Variants in DYSF observed in about 807,000 individuals in gnomAD.
The protein encoded by DYSF is dystrophy-associated fer-1-like 1.
DYSF carries 212 observed loss-of-function variants against 274.9 expected under a neutral mutation model. That is an observed-to-expected ratio of 0.77 (90% CI 0.69 to 0.86). DYSF has a LOEUF of 0.86. Among genes scored for constraint, DYSF ranks in the 40% least tolerant of loss-of-function variants. The pLI is 0.00. For missense variants in DYSF, 2,666 were observed against 2,783.2 expected (o/e 0.96, Z 0.95); for synonymous variants, 1,091 against 1,078.7 (o/e 1.01, Z -0.22).
At chr2:71,494,016 C>T (rs995477101) in intron 3 of DYSF, among the ~76,000 whole-genome samples, 3 of 152,124 alleles carry the variant, frequency 2.0e-5, no homozygotes, top group African/African-American at 7.2e-5. Flanking sequence ...AATTAGTGGG[C>T]AGATGTTCTT....
rs183397732 is a variant in DYSF at position 71,497,184 on chromosome 2, G to C, written c.240-6030G>C. 1.2e-3 allele frequency among the ~76,000 whole-genome samples: 179 copies of C among 152,320 alleles called. 1 individual carries two copies. Among genetic ancestry groups the C allele is most frequent in the African/African-American group, 3.8e-3 (159 of 41,576 alleles). On this transcript the variant is annotated intron_variant, in intron 3 of 55. Coordinates refer to ENST00000410020, the MANE Select transcript of DYSF (RefSeq NM_001130987.2). ...TTATCAAGACAGGGGAATTGCAACA[G>C]AAAAAGAGTTTAATACTGAGCTGGC...
chr2:71,662,123 C>T (rs1199893111), intron 45 of DYSF, among the ~76,000 whole-genome samples: 2 of 152,246 alleles, frequency 1.3e-5, no homozygotes, highest in Non-Finnish European at 2.9e-5. Flanking sequence ...GCAAGCTGGT[C>T]TGCCTGGTGC....
chr2:71,658,833 C>T, intron 43 of DYSF, 45 bp from the exon 44 acceptor site: 6 of 1,612,900 alleles, frequency 3.7e-6, no homozygotes, highest in Non-Finnish European at 5.1e-6. Flanking sequence ...CAAACCATAT[C>T]AACAATGATG....
chr2:71,454,770 C>T (rs891118373), intron 1 of DYSF, among the ~76,000 whole-genome samples: 22 of 152,112 alleles, frequency 1.4e-4, no homozygotes, highest in Admixed American at 4.6e-4. Context: ...GAAGCCACTC[C>T]CTTATCAGAT....
intron 16 of DYSF, among the ~76,000 whole-genome samples, chr2:71,536,989 A>G (rs2089410073): frequency 6.6e-6 from 1 of 152,008 alleles, no homozygotes; most frequent in South Asian, 2.1e-4. Flanking sequence ...CAACAACAAA[A>G]AAACCCCAAA....
chr2:71,636,777 C>T (rs777515267), intron 41 of DYSF, among the ~76,000 whole-genome samples: 1 of 152,080 alleles, frequency 6.6e-6, no homozygotes, highest in Non-Finnish European at 1.5e-5. Flanking sequence ...AGGATGGGCT[C>T]AAGCACTGAG....
intron 51 of DYSF, 58 bp from the exon 52 acceptor site, chr2:71,674,139 C>G (rs1573136547): frequency 1.3e-6 from 2 of 1,526,590 alleles, no homozygotes; most frequent in Admixed American, 3.4e-5. Context: ...TGGAAGGGAA[C>G]ACTGCCTCTC....
intron 54 of DYSF, 82 bp downstream of exon 54, chr2:71,681,192 C>T: frequency 7.5e-7 from 1 of 1,339,710 alleles, no homozygotes; most frequent in Non-Finnish European, 1.1e-6. Flanking sequence ...ATTGCATGGC[C>T]ATGTAGAAGT....
intron 55 of DYSF, among the ~76,000 whole-genome samples, chr2:71,685,157 C>T (rs1344692591): frequency 1.3e-5 from 2 of 152,212 alleles, no homozygotes; most frequent in Non-Finnish European, 2.9e-5. Context: ...CACTTCCAGC[C>T]TGTGGTCCTT....
chr2:71,454,166 A>C, intron 1 of DYSF: 4 of 1,365,216 alleles, frequency 2.9e-6, no homozygotes, highest in Non-Finnish European at 4.1e-6. Flanking sequence ...CCTGGAGAGC[A>C]CCTAGAGCTG....
intron 38 of DYSF, 149 bp downstream of exon 38, chr2:71,611,775 A>T: frequency 9.1e-7 from 1 of 1,104,738 alleles, no homozygotes; most frequent in Non-Finnish European, 1.3e-6. Context: ...AGAAATGCTC[A>T]TACCCTCCTC....
At chr2:71,585,610 G>C (rs535114590) in intron 30 of DYSF, among the ~76,000 whole-genome samples, 1 of 152,246 alleles carries the variant, frequency 6.6e-6, no homozygotes, top group African/African-American at 2.4e-5. Flanking sequence ...TGACATTGGC[G>C]GATCCCCACC....
At chr2:71,650,693 A>T (rs550034091) in intron 42 of DYSF, among the ~76,000 whole-genome samples, 22 of 152,328 alleles carry the variant, frequency 1.4e-4, no homozygotes, top group African/African-American at 5.3e-4. Flanking sequence ...ATTGTAATGC[A>T]ATAAAATTAG....
intron 40 of DYSF, among the ~76,000 whole-genome samples, chr2:71,617,879 G>GGTGTGTGTGTGGTAGGGGT (rs756123529): frequency 9.7e-5 from 2 of 20,668 alleles, no homozygotes; most frequent in Non-Finnish European, 2.0e-4. Flanking sequence ...GTAGAGGTGG[G>GGTGTGTGTGTGGTAGGGGT]GTGTGTGTGG....
Position 71,660,624 on chromosome 2 carries a change from C to T in DYSF, c.4976C>T (p.Pro1659Leu), listed in dbSNP as rs1480206744. The change falls in exon 45 of 56, where the codon CCC becomes CTC. Residue 1659 changes from proline to leucine, a missense_variant. This residue lies in a region of DYSF where 1,460 missense variants were observed against 1,502.1 expected (regional missense o/e 0.97). Transcript: ENST00000410020. ...KSVSDQDNYI[P>L]CTLEPVFGKM... is the part of the protein sequence containing the mutation. Reference sequence around the variant, plus strand: ...GTGAGTGACCAGGATAACTACATCCCCTGCACGCTGGAGCCCGTATTTGGA... The same window carrying T: ...GTGAGTGACCAGGATAACTACATCCTCTGCACGCTGGAGCCCGTATTTGGA... The T allele has an allele frequency of 2.0e-5, 33 of 1,613,980 alleles. No individual in the cohort carries two copies. Among genetic ancestry groups the T allele is most frequent in the Non-Finnish European group, 2.8e-5 (33 of 1,179,952 alleles).
intron 52 of DYSF, among the ~76,000 whole-genome samples, chr2:71,675,081 A>G (rs1465824388): frequency 6.6e-6 from 1 of 152,110 alleles, no homozygotes; most frequent in East Asian, 1.9e-4. Flanking sequence ...GGCTTCATGT[A>G]TATGAAATGT....
chr2:71,610,975 A>G, intron 36 of DYSF: 3 of 501,968 alleles, frequency 6.0e-6, no homozygotes, highest in Admixed American at 3.0e-5. Context: ...AGCCTGCATT[A>G]TGGGAGGAGG....
In DYSF at chr2:71,551,510, CCT is replaced by C. The variant is rs2090942765; in HGVS notation, c.1693-96_1693-95del. The C allele has an allele frequency of 4.8e-6, 5 of 1,045,968 alleles. No homozygotes were observed. In the South Asian group the frequency reaches 6.9e-5, roughly 14 times the overall value. The allele number at this position is 1,045,968 out of a possible 1,614,324, so 64.8% of individuals were successfully genotyped here. ...GGTTGGCTGAGGGACCTCCTGGGTGCCTGAGAGATGAGCTACCTCAGGGCCAG... is the reference window on the plus strand; with the variant it reads ...GGTTGGCTGAGGGACCTCCTGGGTGCGAGAGATGAGCTACCTCAGGGCCAG... On this transcript the variant is annotated intron_variant, in intron 18 of 55. Coordinates refer to ENST00000410020, the MANE Select transcript of DYSF (RefSeq NM_001130987.2).
intron 41 of DYSF, among the ~76,000 whole-genome samples, chr2:71,632,714 T>A (rs1374253349): frequency 6.6e-6 from 1 of 152,206 alleles, no homozygotes; most frequent in East Asian, 1.9e-4. Flanking sequence ...CTAGGTTCCA[T>A]TCCTCTAGGC....
Sources: allele counts gnomAD v4.1 joint callset (sites outside exome capture counted in the v4.1 genomes callset), GRCh38; gene constraint gnomAD v4.1.1; regional missense constraint gnomAD v4.1.1; transcripts MANE v1.5; gene names NCBI Gene and HGNC (gene_info 2026-07-23, HGNC 2026-07-21).